The following PTN variants were observed in gnomAD, a reference collection of about 807,000 sequenced individuals.
The protein encoded by PTN is heparin affin regulatory protein.
A neutral mutation model predicts 24.1 loss-of-function variants in PTN; 18 were observed. That is an observed-to-expected ratio of 0.75 (90% CI 0.52 to 1.11). The LOEUF (loss-of-function observed/expected upper bound fraction) is 1.11, where lower values mean the gene tolerates loss of function less well. Among genes scored for constraint, PTN ranks in the 50% least tolerant of loss-of-function variants. The pLI is 0.00. For missense variants in PTN, 163 were observed against 198.8 expected, an observed-to-expected ratio of 0.82 and a Z score of 1.08; for synonymous variants, 78 against 68.6, an observed-to-expected ratio of 1.14 and a Z score of -0.67.
rs1808360360 is a variant in PTN, at chr7:137,227,879, ATTTTC to A, written c.*136_*140del. ...ACATTTAAAAAACGCTACTACAAAA[ATTTTC>A]TTTTCTTTTTGTTTTTGCTTATTGT... On this transcript the variant is annotated 3_prime_UTR_variant, in exon 5 of 5. Coordinates refer to ENST00000348225, the MANE Select transcript of PTN (RefSeq NM_002825.7). 1 of 1,179,516 alleles carries A rather than the reference ATTTTC, an allele frequency of 8.5e-7. No individual in the cohort carries two copies. The highest frequency in any genetic ancestry group is 1.9e-5 in the South Asian group (1 of 51,872). 73.1% of individuals were successfully genotyped at this position (1,179,516 alleles called of 1,614,324 possible). A position where few individuals can be genotyped will look rare whatever the true frequency, so the allele number is the denominator to read the frequency against.
chr7:137,268,352 TG>T (rs552645772), intron 1 of PTN, among the ~76,000 whole-genome samples: 18 of 151,936 alleles, frequency 1.2e-4, no homozygotes, highest in Non-Finnish European at 2.1e-4. Flanking sequence ...AACCAAGAAA[TG>T]TAGCAGGACG....
intron 1 of PTN, among the ~76,000 whole-genome samples, chr7:137,280,725 A>AAAAAAAG (rs71176392): frequency 7.2e-6 from 1 of 138,396 alleles, no homozygotes; most frequent in Non-Finnish European, 1.6e-5. Flanking sequence ...AAAAAAAAAA[A>AAAAAAAG]GCTGAGTGTG....
intron 1 of PTN, among the ~76,000 whole-genome samples, chr7:137,286,670 G>A (rs1380293313): frequency 3.3e-5 from 5 of 152,056 alleles, no homozygotes; most frequent in Non-Finnish European, 7.4e-5. Flanking sequence ...TAAATCCCAG[G>A]TACCAGGCTG....
chr7:137,317,658 T>C (rs1810094589), intron 1 of PTN, among the ~76,000 whole-genome samples: 1 of 152,238 alleles, frequency 6.6e-6, no homozygotes, highest in African/African-American at 2.4e-5. Context: ...CTCTGAATTG[T>C]ATAGGGCCTT....
intron 1 of PTN, among the ~76,000 whole-genome samples, chr7:137,286,967 A>G (rs534711342): frequency 6.6e-6 from 1 of 152,336 alleles, no homozygotes; most frequent in Non-Finnish European, 1.5e-5. Flanking sequence ...GATTTAATAG[A>G]TTGCATAACT....
Position 137,330,159 on chromosome 7 carries a change from G to T in PTN, c.-2+13280C>A, listed in dbSNP as rs148144331. Among the ~76,000 whole-genome samples, 473 of 151,946 alleles carry T rather than the reference G, an allele frequency of 3.1e-3. 6 individuals are homozygous for T. Among genetic ancestry groups the T allele is most frequent in the Middle Eastern group, 0.017 (5 of 292 alleles). ...AAAATTAGCTAGGTGTGGTAACATG[G>T]GCCTGTAATCCCAGCTGCTTGGGAG... On this transcript the variant is annotated intron_variant, in intron 1 of 4. Transcript: ENST00000348225.
chr7:137,258,138 G>GA (rs144485306), intron 1 of PTN, among the ~76,000 whole-genome samples: 3 of 151,676 alleles, frequency 2.0e-5, no homozygotes, highest in Non-Finnish European at 4.4e-5. Flanking sequence ...TGATTTCAAG[G>GA]AAAAAAACAC....
intron 4 of PTN, among the ~76,000 whole-genome samples, chr7:137,247,509 G>A (rs985853374): frequency 6.6e-6 from 1 of 152,144 alleles, no homozygotes; most frequent in Non-Finnish European, 1.5e-5. Flanking sequence ...GGTTAACAGA[G>A]GTTGGGAAGG....
chr7:137,311,599 T>C (rs372470292), intron 1 of PTN, among the ~76,000 whole-genome samples: 5 of 152,340 alleles, frequency 3.3e-5, no homozygotes, highest in East Asian at 1.9e-4. Flanking sequence ...TGTCCCATCA[T>C]TGGGTTACTA....
At chr7:137,312,146 C>T (rs1809992601) in intron 1 of PTN, among the ~76,000 whole-genome samples, 1 of 152,186 alleles carries the variant, frequency 6.6e-6, no homozygotes, top group African/African-American at 2.4e-5. Flanking sequence ...GATGTCTCCA[C>T]ATTTAAAGGA....
intron 1 of PTN, among the ~76,000 whole-genome samples, chr7:137,280,743 G>T (rs557875670): frequency 1.8e-5 from 2 of 112,748 alleles, no homozygotes; most frequent in Admixed American, 9.6e-5. Context: ...GTGGTGGCAC[G>T]TGCCTGTAAT....
intron 4 of PTN, among the ~76,000 whole-genome samples, chr7:137,249,272 CGTGTGTGTGTGTGTGTGTGTGT>C (rs60014659): frequency 6.9e-6 from 1 of 145,274 alleles, no homozygotes; most frequent in African/African-American, 2.5e-5. Context: ...GGACAGTGCA[CGTGTGTGTGTGTGTGTGTGTGT>C]GTGTGTGTGT....
intron 1 of PTN, among the ~76,000 whole-genome samples, chr7:137,302,435 A>C (rs1038479818): frequency 4.6e-5 from 7 of 152,026 alleles, no homozygotes; most frequent in Non-Finnish European, 1.0e-4. Context: ...CAATCAGCCA[A>C]AATTCAATGA....
At chr7:137,272,715 T>G (rs1360813155) in intron 1 of PTN, among the ~76,000 whole-genome samples, 3 of 152,180 alleles carry the variant, frequency 2.0e-5, no homozygotes, top group Non-Finnish European at 4.4e-5. Context: ...GCTATTTCTC[T>G]CTAAAAAAAC....
chr7:137,327,732 CTT>C (rs1335255022), intron 1 of PTN, among the ~76,000 whole-genome samples: 3 of 152,202 alleles, frequency 2.0e-5, no homozygotes, highest in Admixed American at 1.3e-4. Context: ...CTAAACCACT[CTT>C]TTATCATTTC....
chr7:137,283,523 A>G (rs1809505367), intron 1 of PTN, among the ~76,000 whole-genome samples: 1 of 152,172 alleles, frequency 6.6e-6, no homozygotes. Context: ...ATCTTGTTAG[A>G]AGCCTGGCAA....
intron 3 of PTN, among the ~76,000 whole-genome samples, chr7:137,253,237 G>T (rs1338877665): frequency 6.6e-6 from 1 of 152,128 alleles, no homozygotes; most frequent in Non-Finnish European, 1.5e-5. Flanking sequence ...AATGCTACCG[G>T]AAACTAGCGA....
chr7:137,231,475 T>C (rs1184930341), intron 4 of PTN, among the ~76,000 whole-genome samples: 4 of 151,928 alleles, frequency 2.6e-5, no homozygotes, highest in African/African-American at 9.7e-5. Context: ...GACACTCTCA[T>C]TGTGCCTCCC....
intron 1 of PTN, among the ~76,000 whole-genome samples, chr7:137,308,757 T>C (rs952313814): frequency 2.0e-5 from 3 of 152,132 alleles, no homozygotes; most frequent in African/African-American, 4.8e-5. Context: ...GTAAGTTCCC[T>C]GGGGCATAAA....
Sources: allele counts gnomAD v4.1 joint callset (sites outside exome capture counted in the v4.1 genomes callset), GRCh38; gene constraint gnomAD v4.1.1; transcripts MANE v1.5; gene names NCBI Gene and HGNC (gene_info 2026-07-23, HGNC 2026-07-21).